ASCC3: variants seen among roughly 807,000 people sequenced by gnomAD.
ASCC3 encodes the protein ASC-1 complex subunit P200.
ASCC3 carries 158 observed loss-of-function variants against 256.3 expected under a neutral mutation model. The ratio of observed to expected loss-of-function variants is 0.62; its 90% CI spans 0.54 to 0.70. ASCC3 has a LOEUF of 0.70. ASCC3 is among the 30% of genes least tolerant of loss of function. ASCC3 has a pLI of 0.00. For missense variants in ASCC3, 2,259 were observed against 2,626.0 expected, an observed-to-expected ratio of 0.86 and a Z score of 3.05; for synonymous variants, 948 against 883.4, an observed-to-expected ratio of 1.07 and a Z score of -1.30.
chr6:100,552,624 A>C (rs527489891), intron 36 of ASCC3, among the ~76,000 whole-genome samples: 1 of 152,156 alleles, frequency 6.6e-6, no homozygotes, highest in African/African-American at 2.4e-5. Flanking sequence ...AAGTACATCA[A>C]TGTGTGATAA....
Position 100,607,003 on chromosome 6 carries a change from T to G in ASCC3, c.4871A>C (p.His1624Pro), listed in dbSNP as rs1384909773. Residue 1624 changes from histidine to proline, a missense_variant, in exon 31 of 42, where the codon CAT becomes CCT. His to Pro is a moderately conservative substitution (Grantham distance 77, BLOSUM62 -2). Coordinates refer to ENST00000369162, the MANE Select transcript of ASCC3 (RefSeq NM_006828.4). Reference protein sequence around the residue: ...FGIGMHHAGLHERDRKTVEEL... With the variant: ...FGIGMHHAGLPERDRKTVEEL... Reference sequence around the variant, plus strand: ...CTCTACTGTTTTTCGGTCCCTCTCATGTAGTCCAGCATGATGCATTCCTAT... The same window carrying G: ...CTCTACTGTTTTTCGGTCCCTCTCAGGTAGTCCAGCATGATGCATTCCTAT... The G allele has an allele frequency of 6.2e-7, 1 of 1,613,748 alleles. No homozygotes were observed. Among genetic ancestry groups the G allele is most frequent in the Admixed American group, 1.7e-5 (1 of 59,992 alleles).
intron 38 of ASCC3, 23 bp downstream of exon 38, chr6:100,517,968 A>G: frequency 6.2e-7 from 1 of 1,609,990 alleles, no homozygotes; most frequent in Non-Finnish European, 8.5e-7. Context: ...CAAAACAATT[A>G]CATTGAAAAG....
At chr6:100,513,255 T>C (rs1006814622) in intron 39 of ASCC3, among the ~76,000 whole-genome samples, 3 of 152,232 alleles carry the variant, frequency 2.0e-5, no homozygotes, top group Non-Finnish European at 4.4e-5. Flanking sequence ...CTTTTTAATG[T>C]CTTTGTAAAA....
At chr6:100,595,160 T>C (rs1437442994) in intron 34 of ASCC3, among the ~76,000 whole-genome samples, 3 of 152,286 alleles carry the variant, frequency 2.0e-5, no homozygotes, top group South Asian at 2.1e-4. Context: ...CTATCGTTAA[T>C]AATAATGTAT....
chr6:100,656,538 T>G (rs984904386), intron 16 of ASCC3, among the ~76,000 whole-genome samples: 4 of 151,608 alleles, frequency 2.6e-5, no homozygotes, highest in African/African-American at 9.7e-5. Flanking sequence ...CAGTGGATAA[T>G]TCTTCAGATT....
At chr6:100,570,714 G>T (rs963781092) in intron 36 of ASCC3, among the ~76,000 whole-genome samples, 4 of 152,106 alleles carry the variant, frequency 2.6e-5, no homozygotes, top group African/African-American at 9.7e-5. Flanking sequence ...CCATATGCCT[G>T]TCACAGTCCC....
intron 10 of ASCC3, among the ~76,000 whole-genome samples, chr6:100,734,820 C>A (rs547292763): frequency 1.4e-4 from 21 of 152,122 alleles, no homozygotes; most frequent in Non-Finnish European, 2.8e-4. Flanking sequence ...ACAAAATATA[C>A]TTATGTAACA....
intron 1 of ASCC3, among the ~76,000 whole-genome samples, chr6:100,875,429 GGAAATCCA>G (rs1773952613): frequency 6.6e-6 from 1 of 152,112 alleles, no homozygotes; most frequent in African/African-American, 2.4e-5. Context: ...GGTCTGGGCT[GGAAATCCA>G]GAATTTCATG....
intron 20 of ASCC3, 68 bp from the exon 21 acceptor site, chr6:100,647,519 T>C (rs919123696): frequency 2.2e-6 from 3 of 1,372,448 alleles, no homozygotes; most frequent in Non-Finnish European, 3.1e-6. Context: ...ATAAATCTAT[T>C]ATTCAAACTC....
rs1773520264 is a variant in ASCC3 at position 100,867,144 on chromosome 6, G to A, written c.90+764C>T. Among the ~76,000 whole-genome samples the A allele has an allele frequency of 2.6e-5, 4 of 152,052 alleles. No individual in the cohort carries two copies. The South Asian group carries it at 8.3e-4, about 31-fold the overall frequency. ...GGAAAGACACTGAAGAAGTTCCTTC[G>A]ATAAAACAAAAATGATCTTCCAAAG... On this transcript the variant is annotated intron_variant, in intron 2 of 41. Transcript: ENST00000369162.
chr6:100,762,123 A>G (rs914685052), intron 10 of ASCC3, among the ~76,000 whole-genome samples: 7 of 152,210 alleles, frequency 4.6e-5, no homozygotes, highest in Non-Finnish European at 1.0e-4. Flanking sequence ...TTGCCTTTGC[A>G]ATTGCTTGGG....
At chr6:100,609,911 CAAAAAAAGAAG>C (rs1773308077) in intron 30 of ASCC3, among the ~76,000 whole-genome samples, 2 of 151,470 alleles carry the variant, frequency 1.3e-5, no homozygotes, top group Admixed American at 6.6e-5. Context: ...TTCTGTCTCA[CAAAAAAAGAAG>C]AAAAAAAGAA....
chr6:100,868,233 G>A (rs994564584), intron 1 of ASCC3, among the ~76,000 whole-genome samples, 195 bp from the exon 2 acceptor site: 4 of 152,136 alleles, frequency 2.6e-5, no homozygotes, highest in African/African-American at 9.7e-5. Context: ...GCTATGGTTG[G>A]AGAAAGGAAA....
At chr6:100,806,497 CAG>C (rs1770190405) in intron 4 of ASCC3, among the ~76,000 whole-genome samples, 1 of 151,866 alleles carries the variant, frequency 6.6e-6, no homozygotes, top group African/African-American at 2.4e-5. Flanking sequence ...TGTTAGGATT[CAG>C]AGTTTCAACC....
In ASCC3 at chr6:100,608,090, C is replaced by A. The variant is rs566874344; in HGVS notation, c.4786-1002G>T. 4.3e-3 allele frequency among the ~76,000 whole-genome samples: 306 copies of A among 71,598 alleles called. 13 individuals carry two copies. The highest frequency in any genetic ancestry group is 0.014 in the East Asian group (29 of 2,132). The allele number at this position is 71,598 out of a possible 152,430, so 47.0% of individuals were successfully genotyped here. A position where few individuals can be genotyped will look rare whatever the true frequency, so the allele number is the denominator to read the frequency against. On this transcript the variant is annotated intron_variant, in intron 30 of 41. Coordinates refer to ENST00000369162, the MANE Select transcript of ASCC3 (RefSeq NM_006828.4). The stretch of plus-strand genomic sequence containing the variant: ...TATATACATATATATGTATATATAT[C>A]TATATACACATATATATGTATATAT...
chr6:100,726,173 C>A (rs559932410), intron 10 of ASCC3, among the ~76,000 whole-genome samples: 3 of 151,966 alleles, frequency 2.0e-5, no homozygotes, highest in African/African-American at 7.2e-5. Context: ...GATATAGTAT[C>A]ATAAATATAC....
In ASCC3 at chr6:100,679,656, G is replaced by A. The variant is rs1243724240; in HGVS notation, c.2248C>T (p.Pro750Ser). ...AGTACATAGTCATGTCCTTGGGTAG[G>A]AAAAAAGAAGGGAATATGGCCACAA... ...KNCGHIPFFF[P>S]TQGHDYVLAE... Residue 750 changes from proline (P) to serine (S), a missense_variant, in exon 14 of 42, where the codon CCT (proline) becomes TCT (serine). By Grantham distance (74) the Pro-to-Ser change is moderately conservative. Coordinates refer to ENST00000369162, the MANE Select transcript of ASCC3 (RefSeq NM_006828.4). 2 of 1,613,364 alleles carry A rather than the reference G, an allele frequency of 1.2e-6. No homozygotes were observed. Among genetic ancestry groups the A allele is most frequent in the Non-Finnish European group, 8.5e-7 (1 of 1,179,686 alleles).
chr6:100,785,963 T>G (rs1271046422), intron 8 of ASCC3, among the ~76,000 whole-genome samples: 1 of 152,052 alleles, frequency 6.6e-6, no homozygotes, highest in Non-Finnish European at 1.5e-5. Flanking sequence ...ATTTCAGATA[T>G]AATGGGAGTC....
chr6:100,742,637 C>T (rs1582794325), intron 10 of ASCC3, among the ~76,000 whole-genome samples: 1 of 152,196 alleles, frequency 6.6e-6, no homozygotes, highest in Admixed American at 6.5e-5. Context: ...CTTAAAGAAG[C>T]AGTCTGGCCA....
Sources: gnomAD v4.1 joint callset for allele counts (sites outside exome capture counted in the v4.1 genomes callset) on GRCh38, gnomAD v4.1.1 for gene constraint, MANE v1.5 for transcripts, NCBI Gene and HGNC (gene_info 2026-07-23, HGNC 2026-07-21) for gene names.